The following RPS6KA2 variants were observed in gnomAD, a reference collection of about 807,000 sequenced individuals.
The protein encoded by RPS6KA2 is ribosomal protein S6 kinase A2.
In RPS6KA2, 42 loss-of-function variants were observed where a neutral mutation model predicts 91.8. That is an observed-to-expected ratio of 0.46 (90% confidence interval 0.36 to 0.59). The LOEUF is 0.59. Ranked by LOEUF, RPS6KA2 falls within the 20% of genes least tolerant of loss-of-function variation. RPS6KA2 has a pLI of 0.00. For synonymous variants in RPS6KA2, 414 were observed against 393.6 expected, an observed-to-expected ratio of 1.05 and a Z score of -0.61; for missense variants, 798 against 978.5, an observed-to-expected ratio of 0.82 and a Z score of 2.46.
intron 2 of RPS6KA2, among the ~76,000 whole-genome samples, chr6:166,831,744 TACATAC>T (rs1172794253): frequency 6.7e-6 from 1 of 150,328 alleles, no homozygotes; most frequent in Non-Finnish European, 1.5e-5. Flanking sequence ...CACATCTACA[TACATAC>T]ACACAATAAC....
intron 2 of RPS6KA2, among the ~76,000 whole-genome samples, chr6:166,684,614 C>T (rs547988610): frequency 1.3e-5 from 2 of 152,260 alleles, no homozygotes; most frequent in South Asian, 4.1e-4. Flanking sequence ...GGGGTCTCAC[C>T]GGGTGCAGTC....
intron 2 of RPS6KA2, among the ~76,000 whole-genome samples, chr6:166,753,530 C>T (rs1239744352): frequency 6.6e-6 from 1 of 152,142 alleles, no homozygotes; most frequent in African/African-American, 2.4e-5. Flanking sequence ...AATACTATGA[C>T]ATCATATTGC....
chr6:166,623,350 T>A (rs1786714464), intron 1 of RPS6KA2, among the ~76,000 whole-genome samples: 1 of 152,240 alleles, frequency 6.6e-6, no homozygotes, highest in Admixed American at 6.5e-5. Flanking sequence ...TCTGAGGCTC[T>A]ACTGGCGTGT....
intron 2 of RPS6KA2, among the ~76,000 whole-genome samples, chr6:166,833,558 C>T (rs9364874): frequency 0.68 from 103,466 of 152,080 alleles, 35,306 homozygotes; most frequent in Middle Eastern, 0.75. Flanking sequence ...TGTCAGTTTC[C>T]TCCGGCAGCC....
chr6:166,451,379 G>A (rs1388006002), intron 12 of RPS6KA2, 146 bp from the exon 13 acceptor site: 1 of 813,222 alleles, frequency 1.2e-6, no homozygotes, highest in South Asian at 1.8e-5. Context: ...TATGCCTGTG[G>A]TGGAGGAAAA....
At chr6:166,700,318 T>A (rs1231079949) in intron 2 of RPS6KA2, among the ~76,000 whole-genome samples, 1 of 152,254 alleles carries the variant, frequency 6.6e-6, no homozygotes, top group East Asian at 1.9e-4. Context: ...TTGATTTTTT[T>A]AACTCATAAC....
At chr6:166,565,427 G>A (rs1429611342) in intron 1 of RPS6KA2, among the ~76,000 whole-genome samples, 1 of 152,268 alleles carries the variant, frequency 6.6e-6, no homozygotes, top group Non-Finnish European at 1.5e-5. Flanking sequence ...CTGGGATGCA[G>A]GGGTCCGCCC....
intron 8 of RPS6KA2, among the ~76,000 whole-genome samples, chr6:166,496,428 T>A (rs1043957569): frequency 9.2e-5 from 14 of 151,398 alleles, no homozygotes; most frequent in Non-Finnish European, 1.9e-4. Flanking sequence ...TGAGATAGGT[T>A]TTATGATCTG....
chr6:166,587,767 T>C (rs1785226530), intron 1 of RPS6KA2, among the ~76,000 whole-genome samples: 1 of 152,100 alleles, frequency 6.6e-6, no homozygotes, highest in Admixed American at 6.5e-5. Flanking sequence ...CTGAAGGCGC[T>C]GAAACTAGCC....
intron 1 of RPS6KA2, among the ~76,000 whole-genome samples, chr6:166,602,419 C>A (rs528195110): frequency 2.0e-5 from 3 of 152,322 alleles, no homozygotes; most frequent in African/African-American, 7.2e-5. Context: ...TGCACAAGAT[C>A]ATTCATGGCA....
chr6:166,715,001 A>G (rs6456105), intron 2 of RPS6KA2, among the ~76,000 whole-genome samples: 40,571 of 152,124 alleles, frequency 0.27, 7,327 homozygotes, highest in African/African-American at 0.51. Context: ...TCTTCAGCTC[A>G]CCCTGAGGAA....
At chr6:166,744,437 G>C (rs1301229637) in intron 2 of RPS6KA2, among the ~76,000 whole-genome samples, 2 of 152,368 alleles carry the variant, frequency 1.3e-5, no homozygotes, top group East Asian at 3.9e-4. Context: ...GAGGCCTCTG[G>C]GGGTAGGCTG....
chr6:166,656,718 T>G (rs1463932869), intron 2 of RPS6KA2, among the ~76,000 whole-genome samples: 3 of 152,192 alleles, frequency 2.0e-5, no homozygotes, highest in Non-Finnish European at 4.4e-5. Flanking sequence ...GCGGTTCACC[T>G]GCTGTGGGAA....
chr6:166,520,501 AATCTCCCTCTAAGAAATGTAT>A (rs1782819906), intron 3 of RPS6KA2, among the ~76,000 whole-genome samples: 1 of 152,156 alleles, frequency 6.6e-6, no homozygotes, highest in Non-Finnish European at 1.5e-5. Flanking sequence ...TCCTGTAACA[AATCTCCCTCTAAGAAATGTAT>A]ATCCATCCCG....
chr6:166,697,913 A>G (rs1789402077), intron 2 of RPS6KA2, among the ~76,000 whole-genome samples: 1 of 152,174 alleles, frequency 6.6e-6, no homozygotes, highest in African/African-American at 2.4e-5. Context: ...TGGCACGGGG[A>G]GGACTCGGCG....
chr6:166,728,337 G>A (rs1477191768), intron 2 of RPS6KA2, among the ~76,000 whole-genome samples: 1 of 152,202 alleles, frequency 6.6e-6, no homozygotes, highest in Non-Finnish European at 1.5e-5. Context: ...CACGTGGTGT[G>A]GGCAATTCCC....
chr6:166,795,907 T>C (rs1779210938), intron 2 of RPS6KA2, among the ~76,000 whole-genome samples: 1 of 152,250 alleles, frequency 6.6e-6, no homozygotes, highest in Non-Finnish European at 1.5e-5. Flanking sequence ...TTGTGTCCTC[T>C]GGACCAATAG....
intron 2 of RPS6KA2, among the ~76,000 whole-genome samples, chr6:166,758,268 C>G (rs1778073856): frequency 6.6e-6 from 1 of 152,238 alleles, no homozygotes; most frequent in African/African-American, 2.4e-5. Flanking sequence ...TATTACCCCT[C>G]CAGATGATGC....
At chr6:166,453,197 T>TCACA (rs149702729) in intron 12 of RPS6KA2, among the ~76,000 whole-genome samples, 4,263 of 141,146 alleles carry the variant, frequency 0.03, 109 homozygotes, top group East Asian at 0.12. Context: ...TGAGACTCCA[T>TCACA]CACACACACA....
Sources: gnomAD v4.1 joint callset for allele counts (sites outside exome capture counted in the v4.1 genomes callset) on GRCh38, gnomAD v4.1.1 for gene constraint, MANE v1.5 for transcripts, NCBI Gene and HGNC (gene_info 2026-07-23, HGNC 2026-07-21) for gene names.